Variants in KIF13B observed in about 807,000 individuals in gnomAD.
KIF13B encodes kinesin family member 13B, also known as kinesin-like protein KIF13B.
In KIF13B, 127 loss-of-function variants were observed where a neutral mutation model predicts 222.0. The ratio of observed to expected loss-of-function variants is 0.57; its 90% confidence interval spans 0.50 to 0.66. The LOEUF is 0.66. KIF13B is among the 30% of genes least tolerant of loss of function. The probability of loss-of-function intolerance (pLI) is 0.00; values close to 1 mark genes in which losing one functional copy is unlikely to be tolerated. For synonymous variants in KIF13B, 976 were observed against 919.0 expected (o/e 1.06, Z -1.12); for missense variants, 2,173 against 2,379.0 (o/e 0.91, Z 1.80).
intron 27 of KIF13B, 56 bp from the exon 28 acceptor site, chr8:29,123,548 T>C: frequency 2.5e-6 from 4 of 1,603,930 alleles, no homozygotes; most frequent in Admixed American, 3.3e-5. Context: ...ATTTATCTTT[T>C]TGTCCTGAGT....
chr8:29,082,151 C>G (rs1197380079), intron 37 of KIF13B, among the ~76,000 whole-genome samples: 1 of 152,150 alleles, frequency 6.6e-6, no homozygotes, highest in African/African-American at 2.4e-5. Context: ...CCCTGTGCTC[C>G]TCAAAACTAG....
At chr8:29,122,366 G>T (rs1162069994) in intron 29 of KIF13B, among the ~76,000 whole-genome samples, 1 of 152,182 alleles carries the variant, frequency 6.6e-6, no homozygotes, top group Non-Finnish European at 1.5e-5. Flanking sequence ...TGAGCTGCAG[G>T]GATGAGAGGT....
chr8:29,143,681 A>AC (rs780357022), intron 18 of KIF13B, among the ~76,000 whole-genome samples: 2 of 152,116 alleles, frequency 1.3e-5, no homozygotes, highest in Non-Finnish European at 2.9e-5. Flanking sequence ...CCCCGTCTCT[A>AC]CTAAAAATAC....
chr8:29,126,675 GTCAGGAAGTTGGA>G (rs1810124997), intron 25 of KIF13B, among the ~76,000 whole-genome samples, 164 bp from the exon 26 acceptor site: 1 of 152,142 alleles, frequency 6.6e-6, no homozygotes, highest in Non-Finnish European at 1.5e-5. Flanking sequence ...TTTTACAGTT[GTCAGGAAGTTGGA>G]GCCGCTCACA....
Position 29,177,558 on chromosome 8 carries a change from G to T in KIF13B, c.741C>A (p.Gly247=). 5 of 1,612,944 alleles carry T rather than the reference G, an allele frequency of 3.1e-6. No individual in the cohort carries two copies. The highest frequency in any genetic ancestry group is 4.2e-6 in the Non-Finnish European group (5 of 1,179,044). The stretch of plus-strand genomic sequence containing the variant: ...CAGCTAAATCCACCAGGCTGAGTTT[G>T]CCCACTTTCTCTCCAGATGTCTACA... ...VKSGTSGEKV[G]KLSLVDLAGS... is the part of the protein sequence containing the mutation. Residue 247 remains glycine, a synonymous_variant, in exon 9 of 40, where the codon GGC becomes GGA. Coordinates refer to ENST00000524189, the MANE Select transcript of KIF13B (RefSeq NM_015254.4).
At chr8:29,114,419 A>C (rs750584998) in intron 31 of KIF13B, among the ~76,000 whole-genome samples, 14 of 152,254 alleles carry the variant, frequency 9.2e-5, no homozygotes, top group Non-Finnish European at 1.9e-4. Flanking sequence ...CATTTATGTC[A>C]TTAATTCTCT....
At chr8:29,082,994 C>T (rs1302112017) in intron 37 of KIF13B, among the ~76,000 whole-genome samples, 4 of 152,012 alleles carry the variant, frequency 2.6e-5, no homozygotes, top group African/African-American at 7.3e-5. Flanking sequence ...CCAGCCATGG[C>T]GGTGTACACC....
At chr8:29,104,775 T>C (rs1413368303) in intron 35 of KIF13B, among the ~76,000 whole-genome samples, 1 of 152,094 alleles carries the variant, frequency 6.6e-6, no homozygotes, top group Non-Finnish European at 1.5e-5. Context: ...AGACAGAGTC[T>C]CGCTGTCGCC....
intron 13 of KIF13B, among the ~76,000 whole-genome samples, chr8:29,159,822 G>A (rs181324345): frequency 1.8e-4 from 27 of 152,246 alleles, no homozygotes; most frequent in African/African-American, 6.5e-4. Context: ...TTAACAACAG[G>A]GCTTCTCAAA....
At chr8:29,078,784 AAGTG>A (rs1395071600) in intron 37 of KIF13B, among the ~76,000 whole-genome samples, 1 of 152,230 alleles carries the variant, frequency 6.6e-6, no homozygotes. Context: ...ATTGCCCTGT[AAGTG>A]AGTGACAGAG....
intron 34 of KIF13B, among the ~76,000 whole-genome samples, chr8:29,108,722 C>T (rs532289864): frequency 6.6e-6 from 1 of 152,324 alleles, no homozygotes; most frequent in East Asian, 1.9e-4. Flanking sequence ...TGGCATCCAG[C>T]GTGAAACTCC....
At chr8:29,138,311 G>A (rs1810656533) in intron 21 of KIF13B, among the ~76,000 whole-genome samples, 1 of 152,002 alleles carries the variant, frequency 6.6e-6, no homozygotes, top group Non-Finnish European at 1.5e-5. Flanking sequence ...CTCCAGCCTG[G>A]GTGACAGAGC....
rs189807873 is a variant in KIF13B at position 29,089,675 on chromosome 8, T to C, written c.4458+3070A>G. Among the ~76,000 whole-genome samples, 20 of 151,796 alleles carry C rather than the reference T, an allele frequency of 1.3e-4. No homozygotes were observed. The East Asian group carries it at 2.3e-3, about 18-fold the overall frequency. ...TTGGGAGGCTGAGGCGGGTAGATCA[T>C]TTGAGGTTAGGAGTTCGAGACCAGC... On this transcript the variant is annotated intron_variant, in intron 37 of 39. Transcript: ENST00000524189.
At chr8:29,168,489 G>A (rs781681898) in intron 10 of KIF13B, among the ~76,000 whole-genome samples, 47 of 152,318 alleles carry the variant, frequency 3.1e-4, no homozygotes, top group South Asian at 6.2e-4. Flanking sequence ...TTATTCATCG[G>A]TCTCCAAGGA....
intron 37 of KIF13B, among the ~76,000 whole-genome samples, chr8:29,079,293 T>C (rs553465438): frequency 6.6e-6 from 1 of 152,312 alleles, no homozygotes; most frequent in South Asian, 2.1e-4. Context: ...CATGATCGAA[T>C]TCTCCTGCAA....
At chr8:29,115,712 T>C (rs1809561960) in intron 31 of KIF13B, among the ~76,000 whole-genome samples, 1 of 152,188 alleles carries the variant, frequency 6.6e-6, no homozygotes, top group South Asian at 2.1e-4. Context: ...GTGAGAGCCA[T>C]GCTCCTTGGC....
intron 10 of KIF13B, among the ~76,000 whole-genome samples, chr8:29,168,335 T>G (rs1422325553): frequency 6.6e-6 from 1 of 152,150 alleles, no homozygotes; most frequent in Non-Finnish European, 1.5e-5. Context: ...ACATTAAAAA[T>G]AGAGATTTAA....
At chr8:29,133,834 ATATG>A (rs1190226710) in intron 22 of KIF13B, among the ~76,000 whole-genome samples, 1 of 152,194 alleles carries the variant, frequency 6.6e-6, no homozygotes, top group African/African-American at 2.4e-5. Context: ...ATATACATAC[ATATG>A]TGTTTTGTTT....
chr8:29,247,856 A>G (rs948556646), intron 1 of KIF13B, among the ~76,000 whole-genome samples: 1 of 150,132 alleles, frequency 6.7e-6, no homozygotes, highest in Non-Finnish European at 1.5e-5. Context: ...AAAAAAAAAA[A>G]AGACAAATAA....
Sources: allele counts gnomAD v4.1 joint callset (sites outside exome capture counted in the v4.1 genomes callset), GRCh38; gene constraint gnomAD v4.1.1; transcripts MANE v1.5; gene names NCBI Gene and HGNC (gene_info 2026-07-23, HGNC 2026-07-21).